The following DYM variants were observed in gnomAD, a reference collection of about 807,000 sequenced individuals.
DYM encodes the protein dymeclin.
Under a neutral mutation model 93.1 loss-of-function variants are expected in DYM, and 78 were observed. The observed-to-expected ratio is 0.84, with a 90% confidence interval of 0.70 to 1.01. The LOEUF (loss-of-function observed/expected upper bound fraction) is 1.01, where lower values mean the gene tolerates loss of function less well. Among genes scored for constraint, DYM ranks in the 50% least tolerant of loss-of-function variants. The pLI is 0.00. For missense variants in DYM, 789 were observed against 845.0 expected (o/e 0.93, Z 0.82); for synonymous variants, 321 against 319.7 (o/e 1.00, Z -0.04).
rs146649747 is a variant in DYM, at chr18:49,276,248, T to C, written c.1126-3945A>G. Among the ~76,000 whole-genome samples, 320 of 152,264 alleles carry C rather than the reference T, an allele frequency of 2.1e-3. 2 individuals carry two copies. Among genetic ancestry groups the C allele is most frequent in the African/African-American group, 7.4e-3 (309 of 41,558 alleles). ...ACTCATCTAAGGAAGTTCCCTTCTA[T>C]TCCTAGTTTGTTAAATATTTTTATT... On this transcript the variant is annotated intron_variant, in intron 10 of 17. Coordinates refer to ENST00000675505, the MANE Select transcript of DYM (RefSeq NM_001353214.3).
intron 8 of DYM, among the ~76,000 whole-genome samples, chr18:49,309,336 T>G (rs932437131): frequency 6.6e-6 from 1 of 152,198 alleles, no homozygotes; most frequent in African/African-American, 2.4e-5. Context: ...TTGTTTGTTT[T>G]TTTAACTAAC....
chr18:49,313,290 C>A (rs1280847750), intron 8 of DYM, among the ~76,000 whole-genome samples: 1 of 151,356 alleles, frequency 6.6e-6, no homozygotes, highest in Non-Finnish European at 1.5e-5. Flanking sequence ...ATGGTGAAAC[C>A]CCATCTCTAC....
In DYM at chr18:49,210,358, G is replaced by A. The variant is rs529366151; in HGVS notation, c.1461-643C>T. Among the ~76,000 whole-genome samples the A allele has an allele frequency of 3.3e-5, 5 of 152,160 alleles. No individual in the cohort carries two copies. The South Asian group carries it at 6.2e-4, about 19-fold the overall frequency. On this transcript the variant is annotated intron_variant, in intron 13 of 17. Coordinates refer to ENST00000675505, the MANE Select transcript of DYM (RefSeq NM_001353214.3). Reference sequence around the variant, plus strand: ...TAAATAAACGGTGGTACATCTAGACGATGGATTATTATTTAGGGCTAAAAA... The same window carrying A: ...TAAATAAACGGTGGTACATCTAGACAATGGATTATTATTTAGGGCTAAAAA...
At chr18:49,267,085 A>G (rs952130510) in intron 11 of DYM, among the ~76,000 whole-genome samples, 1 of 152,194 alleles carries the variant, frequency 6.6e-6, no homozygotes, top group Non-Finnish European at 1.5e-5. Flanking sequence ...AGTTCTTTAA[A>G]GTTTTAACTT....
chr18:49,153,641 C>G (rs1305596752), intron 15 of DYM, among the ~76,000 whole-genome samples: 1 of 152,034 alleles, frequency 6.6e-6, no homozygotes, highest in East Asian at 1.9e-4. Flanking sequence ...TTATAACACA[C>G]AGAATAAAAC....
chr18:49,332,490 G>T (rs543200316), intron 7 of DYM, among the ~76,000 whole-genome samples: 1 of 152,122 alleles, frequency 6.6e-6, no homozygotes, highest in Non-Finnish European at 1.5e-5. Context: ...ACATTATCTG[G>T]CAATTGAAGG....
chr18:49,197,571 A>G (rs1314423512), intron 14 of DYM, among the ~76,000 whole-genome samples: 1 of 152,324 alleles, frequency 6.6e-6, no homozygotes, highest in Admixed American at 6.5e-5. Context: ...CTAAGTTAGA[A>G]GAACAATTTT....
intron 13 of DYM, among the ~76,000 whole-genome samples, chr18:49,245,836 G>A (rs78600499): frequency 0.078 from 11,790 of 152,108 alleles, 733 homozygotes; most frequent in East Asian, 0.31. Context: ...AGAACCTGCC[G>A]ATATGTGATG....
intron 1 of DYM, among the ~76,000 whole-genome samples, chr18:49,439,615 T>C (rs947161273): frequency 1.3e-5 from 2 of 152,164 alleles, no homozygotes; most frequent in Non-Finnish European, 2.9e-5. Context: ...CTAATAAATA[T>C]ATGAAAAGAT....
chr18:49,043,961 C>A lies in DYM; in HGVS notation c.*94G>T. 9 of 1,432,144 alleles carry A rather than the reference C, an allele frequency of 6.3e-6. No homozygotes were observed. Among genetic ancestry groups the A allele is most frequent in the Non-Finnish European group, 8.7e-6 (9 of 1,030,538 alleles). The allele number at this position is 1,432,144 out of a possible 1,614,324, so 88.7% of individuals were successfully genotyped here. On this transcript the variant is annotated 3_prime_UTR_variant, in exon 18 of 18. Coordinates refer to ENST00000675505, the MANE Select transcript of DYM (RefSeq NM_001353214.3). ...CAATCCTCTTTAACAGAAGATACAC[C>A]AAGTAACCTGTCTGTCTACTTCTGT...
At chr18:49,447,109 T>C (rs554379208) in intron 1 of DYM, among the ~76,000 whole-genome samples, 11 of 150,956 alleles carry the variant, frequency 7.3e-5, no homozygotes, top group African/African-American at 2.7e-4. Context: ...AGGGTTGGCC[T>C]GGGTGGATGT....
intron 15 of DYM, among the ~76,000 whole-genome samples, chr18:49,137,589 A>T (rs2083991109): frequency 6.6e-6 from 1 of 152,206 alleles, no homozygotes. Flanking sequence ...TAGGAATATT[A>T]AGAAAGAACA....
intron 14 of DYM, among the ~76,000 whole-genome samples, chr18:49,181,308 A>G (rs544685259): frequency 8.5e-5 from 13 of 152,320 alleles, no homozygotes; most frequent in African/African-American, 2.6e-4. Context: ...TTATATGCCA[A>G]TGAAAAAATC....
At chr18:49,174,398 C>A (rs775494637) in intron 14 of DYM, among the ~76,000 whole-genome samples, 7 of 151,984 alleles carry the variant, frequency 4.6e-5, no homozygotes, top group Non-Finnish European at 8.8e-5. Flanking sequence ...AATTAACTTG[C>A]CAAGGACTAT....
At chr18:49,205,116 A>G (rs978202787) in intron 14 of DYM, among the ~76,000 whole-genome samples, 23 of 152,050 alleles carry the variant, frequency 1.5e-4, no homozygotes, top group Non-Finnish European at 8.8e-5. Flanking sequence ...ATGTACCACT[A>G]CACCCAGCTA....
intron 14 of DYM, among the ~76,000 whole-genome samples, chr18:49,198,563 T>G (rs561321930): frequency 3.3e-5 from 5 of 152,068 alleles, no homozygotes; most frequent in African/African-American, 1.2e-4. Context: ...AAAAAGTGGG[T>G]GAAGAACATG....
At chr18:49,079,363 G>A (rs2145102716) in intron 17 of DYM, among the ~76,000 whole-genome samples, 1 of 151,092 alleles carries the variant, frequency 6.6e-6, no homozygotes, top group African/African-American at 2.4e-5. Context: ...GTTGTATCCT[G>A]AATAATATTA....
At chr18:49,306,527 A>G (rs1037733682) in intron 8 of DYM, among the ~76,000 whole-genome samples, 1 of 152,168 alleles carries the variant, frequency 6.6e-6, no homozygotes, top group Admixed American at 6.5e-5. Flanking sequence ...TGGAACATTA[A>G]TTTTCTAAAA....
intron 17 of DYM, among the ~76,000 whole-genome samples, chr18:49,075,773 GGGA>G (rs1188063772): frequency 6.6e-6 from 1 of 152,164 alleles, no homozygotes; most frequent in East Asian, 1.9e-4. Flanking sequence ...GGAAAAAGAA[GGGA>G]TCAAAAGACT....
Sources: allele counts gnomAD v4.1 joint callset (sites outside exome capture counted in the v4.1 genomes callset), GRCh38; gene constraint gnomAD v4.1.1; transcripts MANE v1.5; gene names NCBI Gene and HGNC (gene_info 2026-07-23, HGNC 2026-07-21).